PRKCE: variants seen among roughly 807,000 people sequenced by gnomAD.
PRKCE encodes the protein protein kinase C epsilon.
PRKCE carries 16 observed loss-of-function variants against 85.4 expected under a neutral mutation model. The ratio of observed to expected loss-of-function variants is 0.19; its 90% confidence interval spans 0.13 to 0.28. PRKCE has a LOEUF of 0.28. PRKCE is among the 10% of genes least tolerant of loss of function. The pLI is 1.00. For synonymous variants in PRKCE, 388 were observed against 371.5 expected (o/e 1.04, Z -0.51); for missense variants, 573 against 975.2 (o/e 0.59, Z 5.49).
At chr2:46,030,112 GAGATCC>G (rs1707411829) in intron 10 of PRKCE, among the ~76,000 whole-genome samples, 1 of 152,138 alleles carries the variant, frequency 6.6e-6, no homozygotes, top group African/African-American at 2.4e-5. Context: ...ATCACTCCCT[GAGATCC>G]CCACATCCTG....
intron 2 of PRKCE, among the ~76,000 whole-genome samples, chr2:45,873,098 G>T (rs1200041717): frequency 2.0e-5 from 3 of 152,222 alleles, no homozygotes; most frequent in Non-Finnish European, 2.9e-5. Context: ...TACTTCTTTA[G>T]AGTGTTTTAA....
chr2:45,859,833 T>C (rs1692998924), intron 2 of PRKCE, among the ~76,000 whole-genome samples: 2 of 152,140 alleles, frequency 1.3e-5, no homozygotes, highest in Admixed American at 6.5e-5. Context: ...CCAATGAGTA[T>C]ACTGATGCAT....
chr2:46,173,374 G>GA (rs996366085), intron 14 of PRKCE, among the ~76,000 whole-genome samples: 28 of 152,208 alleles, frequency 1.8e-4, no homozygotes, highest in African/African-American at 5.8e-4. Flanking sequence ...GCCTTTCACA[G>GA]AAAAAAATGG....
intron 2 of PRKCE, among the ~76,000 whole-genome samples, chr2:45,874,143 G>A (rs1429354077): frequency 6.6e-6 from 1 of 152,220 alleles, no homozygotes; most frequent in African/African-American, 2.4e-5. Context: ...ACACCATGTA[G>A]GTAACTTTCT....
intron 2 of PRKCE, among the ~76,000 whole-genome samples, chr2:45,885,002 T>TG (rs1553440407): frequency 0.24 from 23,509 of 97,660 alleles, 4,935 homozygotes; most frequent in East Asian, 0.74. Context: ...TATATATATA[T>TG]TTGTTGTTGT....
At chr2:45,724,418 A>G (rs1680886864) in intron 1 of PRKCE, among the ~76,000 whole-genome samples, 1 of 152,182 alleles carries the variant, frequency 6.6e-6, no homozygotes, top group African/African-American at 2.4e-5. Context: ...CTCTGAGACA[A>G]AATGATATTG....
chr2:45,761,360 A>T (rs1285459046), intron 1 of PRKCE, among the ~76,000 whole-genome samples: 1 of 151,210 alleles, frequency 6.6e-6, no homozygotes. Context: ...ATCTAAGTAC[A>T]GAAAGGAATA....
intron 10 of PRKCE, among the ~76,000 whole-genome samples, chr2:46,062,926 G>A (rs965610866): frequency 6.6e-6 from 1 of 152,154 alleles, no homozygotes. Context: ...ACTGCGCCCG[G>A]CCTCAGCTTA....
intron 2 of PRKCE, among the ~76,000 whole-genome samples, chr2:45,925,885 A>G (rs2103984971): frequency 6.6e-6 from 1 of 152,368 alleles, no homozygotes; most frequent in African/African-American, 2.4e-5. Flanking sequence ...GCATAAGCAG[A>G]TAAAATATTG....
chr2:45,961,994 T>C (rs1436551886), intron 2 of PRKCE, among the ~76,000 whole-genome samples: 1 of 152,146 alleles, frequency 6.6e-6, no homozygotes, highest in East Asian at 1.9e-4. Context: ...CGCGCCCGGC[T>C]GCCAGGGATT....
chr2:46,086,443 G>T, intron 11 of PRKCE, 81 bp downstream of exon 11: 1 of 1,489,864 alleles, frequency 6.7e-7, no homozygotes, highest in Non-Finnish European at 9.0e-7. Flanking sequence ...TTCAGCTCCT[G>T]CCCACTCGTC....
chr2:45,733,050 TAAAC>T (rs1248248348), intron 1 of PRKCE, among the ~76,000 whole-genome samples: 1 of 152,172 alleles, frequency 6.6e-6, no homozygotes, highest in East Asian at 1.9e-4. Flanking sequence ...ACAATACAAA[TAAAC>T]AAATTTATTT....
At chr2:46,061,497 G>A (rs532029423) in intron 10 of PRKCE, among the ~76,000 whole-genome samples, 1 of 152,186 alleles carries the variant, frequency 6.6e-6, no homozygotes, top group East Asian at 1.9e-4. Context: ...TTTCTCTCAA[G>A]TCCGTTGTTA....
At chr2:45,928,288 G>A (rs916007287) in intron 2 of PRKCE, among the ~76,000 whole-genome samples, 5 of 152,162 alleles carry the variant, frequency 3.3e-5, no homozygotes, top group African/African-American at 9.7e-5. Context: ...TTCTTTTTGA[G>A]ATAGAATCTC....
intron 1 of PRKCE, among the ~76,000 whole-genome samples, chr2:45,830,072 CAAAAAAAAAA>C (rs34553119): frequency 3.7e-5 from 4 of 108,888 alleles, no homozygotes; most frequent in Admixed American, 9.8e-5. Flanking sequence ...GACTCCGTCT[CAAAAAAAAAA>C]AAAAAAAAAA....
chr2:45,966,623 C>G (rs542659111), intron 2 of PRKCE, among the ~76,000 whole-genome samples: 6 of 152,328 alleles, frequency 3.9e-5, no homozygotes, highest in African/African-American at 1.4e-4. Context: ...GAGCTGACCC[C>G]CACCCCAACC....
chr2:45,926,072 T>C (rs1015391815), intron 2 of PRKCE, among the ~76,000 whole-genome samples: 6 of 152,186 alleles, frequency 3.9e-5, no homozygotes, highest in African/African-American at 1.2e-4. Context: ...CCAGTTTTTT[T>C]CTACATCCCA....
chr2:46,095,926 T>C (rs547691741), intron 11 of PRKCE, among the ~76,000 whole-genome samples: 2 of 152,380 alleles, frequency 1.3e-5, no homozygotes, highest in East Asian at 3.8e-4. Flanking sequence ...TTGCACATGT[T>C]ACTTATTGAG....
chr2:45,698,750 C>G (rs1678365312), intron 1 of PRKCE, among the ~76,000 whole-genome samples: 1 of 152,118 alleles, frequency 6.6e-6, no homozygotes, highest in South Asian at 2.1e-4. Flanking sequence ...GAAAAACAGC[C>G]AATCTGAGAA....
Sources: gnomAD v4.1 joint callset for allele counts (sites outside exome capture counted in the v4.1 genomes callset) on GRCh38, gnomAD v4.1.1 for gene constraint, MANE v1.5 for transcripts, NCBI Gene and HGNC (gene_info 2026-07-23, HGNC 2026-07-21) for gene names.